The following RABGAP1L variants were observed in gnomAD, a reference collection of about 807,000 sequenced individuals.
RABGAP1L encodes RAB GTPase activating protein 1 like, also known as rab GTPase-activating protein 1-like.
RABGAP1L carries 63 observed loss-of-function variants against 137.7 expected under a neutral mutation model. The ratio of observed to expected loss-of-function variants is 0.46; its 90% CI spans 0.37 to 0.56. The LOEUF is 0.56. Among genes scored for constraint, RABGAP1L ranks in the 20% least tolerant of loss-of-function variants. The probability of loss-of-function intolerance (pLI) is 0.00; values close to 1 mark genes in which losing one functional copy is unlikely to be tolerated. For missense variants in RABGAP1L, 1,095 were observed against 1,244.0 expected (o/e 0.88, Z 1.80); for synonymous variants, 431 against 433.7 (o/e 0.99, Z 0.08).
intron 17 of RABGAP1L, among the ~76,000 whole-genome samples, chr1:174,708,004 G>A (rs1008229066): frequency 4.6e-5 from 7 of 152,158 alleles, no homozygotes; most frequent in African/African-American, 1.7e-4. Flanking sequence ...GTTTGAAGTT[G>A]ACTCTTCCCA....
intron 13 of RABGAP1L, among the ~76,000 whole-genome samples, chr1:174,551,021 T>TATATATATATATACAC (rs1553330343): frequency 2.4e-4 from 29 of 122,790 alleles, no homozygotes; most frequent in African/African-American, 1.1e-3. Flanking sequence ...TATATATATA[T>TATATATATATATACAC]ACATACACAC....
At chr1:174,563,272 C>G (rs943145428) in intron 13 of RABGAP1L, among the ~76,000 whole-genome samples, 2 of 152,038 alleles carry the variant, frequency 1.3e-5, no homozygotes, top group African/African-American at 4.8e-5. Context: ...TATGTGAAAG[C>G]TTTGATGAAA....
chr1:174,560,707 T>C (rs1240206878), intron 13 of RABGAP1L, among the ~76,000 whole-genome samples: 1 of 152,130 alleles, frequency 6.6e-6, no homozygotes, highest in Non-Finnish European at 1.5e-5. Context: ...TTGGCCATCC[T>C]CCCCTTCGCA....
intron 13 of RABGAP1L, among the ~76,000 whole-genome samples, chr1:174,472,084 C>G (rs1658005274): frequency 6.6e-6 from 1 of 152,208 alleles, no homozygotes; most frequent in Non-Finnish European, 1.5e-5. Flanking sequence ...GGAATGGAAT[C>G]AGCCAGCACC....
At chr1:174,443,145 G>A (rs943975556) in intron 13 of RABGAP1L, among the ~76,000 whole-genome samples, 4 of 151,868 alleles carry the variant, frequency 2.6e-5, no homozygotes, top group South Asian at 2.1e-4. Flanking sequence ...GGTTGATTCC[G>A]TATCTTGGTT....
intron 24 of RABGAP1L, among the ~76,000 whole-genome samples, chr1:174,987,625 C>T (rs1000744772): frequency 2.0e-5 from 3 of 152,030 alleles, no homozygotes; most frequent in Admixed American, 6.6e-5. Flanking sequence ...AGGATGGGCA[C>T]GGTGATGGAC....
At chr1:174,405,720 A>G (rs1486859938) in intron 13 of RABGAP1L, among the ~76,000 whole-genome samples, 2 of 152,112 alleles carry the variant, frequency 1.3e-5, no homozygotes, top group African/African-American at 2.4e-5. Flanking sequence ...GCTCACACCT[A>G]TAATCCCAGC....
intron 13 of RABGAP1L, among the ~76,000 whole-genome samples, chr1:174,544,441 C>T (rs1439162288): frequency 6.6e-6 from 1 of 152,166 alleles, no homozygotes; most frequent in East Asian, 1.9e-4. Flanking sequence ...TGGTTTTCAG[C>T]TCCATCAGGT....
chr1:174,312,064 A>G (rs915346306), intron 11 of RABGAP1L, among the ~76,000 whole-genome samples: 6 of 152,196 alleles, frequency 3.9e-5, no homozygotes, highest in African/African-American at 1.4e-4. Context: ...AGGAGTACAC[A>G]TATCTTTTTG....
At chr1:174,733,783 T>A (rs907391110) in intron 17 of RABGAP1L, among the ~76,000 whole-genome samples, 9 of 152,134 alleles carry the variant, frequency 5.9e-5, no homozygotes, top group Non-Finnish European at 1.0e-4. Flanking sequence ...CTTAAAGGGA[T>A]CACTCCGGCT....
intron 19 of RABGAP1L, among the ~76,000 whole-genome samples, chr1:174,939,886 A>G (rs950988868): frequency 1.3e-5 from 2 of 152,240 alleles, no homozygotes; most frequent in African/African-American, 2.4e-5. Context: ...TTTTATTCCA[A>G]CATTTAACTA....
Position 174,991,439 on chromosome 1 carries a change from A to C in RABGAP1L, c.*1438A>C, listed in dbSNP as rs1672046232. On this transcript the variant is annotated 3_prime_UTR_variant, in exon 26 of 26. Coordinates refer to ENST00000681986, the MANE Select transcript of RABGAP1L (RefSeq NM_001366446.1). ...CATCTGTGCCATATTTTGCAATTAA[A>C]AGTAACACACCCTTAGAAGAATCAA... 6.6e-6 allele frequency: 1 copy of C among 152,228 alleles called. No individual in the cohort carries two copies. The highest frequency in any genetic ancestry group is 1.5e-5 in the Non-Finnish European group (1 of 68,032). 9.4% of individuals were successfully genotyped at this position (152,228 alleles called of 1,614,324 possible). A position where few individuals can be genotyped will look rare whatever the true frequency, so the allele number is the denominator to read the frequency against.
At chr1:174,579,215 A>G (rs1280683440) in intron 13 of RABGAP1L, among the ~76,000 whole-genome samples, 1 of 152,092 alleles carries the variant, frequency 6.6e-6, no homozygotes, top group Non-Finnish European at 1.5e-5. Flanking sequence ...AAGGGATTTG[A>G]TTATAATGAG....
intron 19 of RABGAP1L, among the ~76,000 whole-genome samples, chr1:174,940,471 T>C (rs1665686645): frequency 6.6e-6 from 1 of 151,902 alleles, no homozygotes; most frequent in Non-Finnish European, 1.5e-5. Context: ...AGAGATGGGG[T>C]CTCGCTTTGT....
At position 174,415,692 on chromosome 1, in the gene RABGAP1L, T is replaced by C. The variant is rs1336300404; in HGVS notation, c.1710+21547T>C. On this transcript the variant is annotated intron_variant, in intron 13 of 25. Coordinates refer to ENST00000681986, the MANE Select transcript of RABGAP1L (RefSeq NM_001366446.1). Reference sequence around the variant, plus strand: ...ATGGCAATTTTGGATTGAAAGCTTATCTTAATTTTTCTACCCATCTGTCTA... The same window carrying C: ...ATGGCAATTTTGGATTGAAAGCTTACCTTAATTTTTCTACCCATCTGTCTA... 2.0e-5 allele frequency among the ~76,000 whole-genome samples: 3 copies of C among 152,206 alleles called. No individual in the cohort carries two copies. The East Asian group carries it at 5.8e-4, about 29-fold the overall frequency.
At chr1:174,616,481 A>C (rs1289351212) in intron 13 of RABGAP1L, among the ~76,000 whole-genome samples, 1 of 152,222 alleles carries the variant, frequency 6.6e-6, no homozygotes. Context: ...CTAAAGTCTC[A>C]GGCACCAGGG....
intron 15 of RABGAP1L, among the ~76,000 whole-genome samples, chr1:174,686,224 A>G (rs1324931735): frequency 6.6e-6 from 1 of 152,188 alleles, no homozygotes; most frequent in Non-Finnish European, 1.5e-5. Flanking sequence ...TAGTAGATTC[A>G]TGGTCCTAAT....
rs1051604769 is a variant in RABGAP1L, at chr1:174,761,180, CAAAG to C, written c.2211+8828_2211+8831del. Among the ~76,000 whole-genome samples, 6 of 152,196 alleles carry C rather than the reference CAAAG, an allele frequency of 3.9e-5. No individual in the cohort carries two copies. The highest frequency in any genetic ancestry group is 5.9e-5 in the Non-Finnish European group (4 of 68,030). ...CACATCCAACATGGATGGCAGCAGA[CAAAG>C]AGAGAGGGCTTGTGTAGGGAAACTC... On this transcript the variant is annotated intron_variant, in intron 18 of 25. Transcript: ENST00000681986. The surrounding 1 kb of genome is among the most constrained non-coding windows in gnomAD (Gnocchi z 4.0).
intron 19 of RABGAP1L, among the ~76,000 whole-genome samples, chr1:174,880,876 C>T (rs868478335): frequency 8.5e-5 from 13 of 152,160 alleles, no homozygotes; most frequent in African/African-American, 3.1e-4. Flanking sequence ...TATGAACCAT[C>T]ACACCCAGCC....
Sources: gnomAD v4.1 joint callset for allele counts (sites outside exome capture counted in the v4.1 genomes callset) on GRCh38, gnomAD v4.1.1 for gene constraint, Gnocchi (gnomAD v3.1) non-coding constraint, MANE v1.5 for transcripts, NCBI Gene and HGNC (gene_info 2026-07-23, HGNC 2026-07-21) for gene names.